DNAJC6: variants seen among roughly 807,000 people sequenced by gnomAD.
The protein encoded by DNAJC6 is DnaJ heat shock protein family (Hsp40) member C6.
A neutral mutation model predicts 110.0 loss-of-function variants in DNAJC6; 34 were observed. The ratio of observed to expected loss-of-function variants is 0.31; its 90% CI spans 0.24 to 0.41. The LOEUF (loss-of-function observed/expected upper bound fraction) is 0.41, where lower values mean the gene tolerates loss of function less well. Ranked by LOEUF, DNAJC6 falls within the 10% of genes least tolerant of loss-of-function variation. DNAJC6 has a pLI of 1.00. For missense variants in DNAJC6, 1,031 were observed against 1,207.8 expected (o/e 0.85, Z 2.17); for synonymous variants, 406 against 437.2 (o/e 0.93, Z 0.89).
At chr1:65,302,125 A>T (rs201600627) in intron 1 of DNAJC6, among the ~76,000 whole-genome samples, 2,377 of 20,642 alleles carry the variant, frequency 0.12, 44 homozygotes, top group African/African-American at 0.35. Context: ...TATATATATA[A>T]AAAATATATA....
chr1:65,369,338 T>C (rs1259376523), intron 4 of DNAJC6, among the ~76,000 whole-genome samples: 1 of 152,204 alleles, frequency 6.6e-6, no homozygotes, highest in African/African-American at 2.4e-5. Context: ...CCTAGACCTT[T>C]CTTTCCCCAG....
intron 4 of DNAJC6, among the ~76,000 whole-genome samples, chr1:65,372,752 A>T (rs1645719378): frequency 6.6e-6 from 1 of 152,200 alleles, no homozygotes; most frequent in South Asian, 2.1e-4. Flanking sequence ...AAGCTGTAAT[A>T]GATGAAAATA....
intron 1 of DNAJC6, among the ~76,000 whole-genome samples, chr1:65,349,711 T>G (rs1390586498): frequency 6.8e-6 from 1 of 147,694 alleles, no homozygotes; most frequent in Non-Finnish European, 1.5e-5. Context: ...ATGTATCTTT[T>G]TCTCTATCAG....
At chr1:65,391,903 G>A (rs563680400) in intron 11 of DNAJC6, among the ~76,000 whole-genome samples, 2 of 151,946 alleles carry the variant, frequency 1.3e-5, no homozygotes, top group Non-Finnish European at 2.9e-5. Flanking sequence ...TCAGCCTCCC[G>A]AGTAGCTGGG....
Position 65,343,287 on chromosome 1 carries a change from G to A in DNAJC6, c.194-21348G>A, listed in dbSNP as rs536909187. ...ATTTATGCATATAATTTTTTTGTCC[G>A]AAGAGCAGATGGAACCACACAGACC... On this transcript the variant is annotated intron_variant, in intron 1 of 18. Transcript: ENST00000371069. Among the ~76,000 whole-genome samples, 13 of 152,180 alleles carry A rather than the reference G, an allele frequency of 8.5e-5. No homozygotes were observed. In the East Asian group the frequency reaches 1.2e-3, roughly 14 times the overall value.
chr1:65,406,200 G>A, intron 16 of DNAJC6, 67 bp downstream of exon 16: 3 of 1,545,142 alleles, frequency 1.9e-6, no homozygotes, highest in South Asian at 2.5e-5. Flanking sequence ...GCCTGAATGT[G>A]TCTCTCTGAA....
chr1:65,326,994 C>T (rs1645247429), intron 1 of DNAJC6, among the ~76,000 whole-genome samples: 1 of 152,100 alleles, frequency 6.6e-6, no homozygotes, highest in Admixed American at 6.5e-5. Context: ...GAAAACTGGC[C>T]CTCAAGTTGC....
intron 1 of DNAJC6, among the ~76,000 whole-genome samples, chr1:65,295,013 T>C (rs1644915763): frequency 6.6e-6 from 1 of 152,188 alleles, no homozygotes; most frequent in Non-Finnish European, 1.5e-5. Context: ...TTTTATGTGT[T>C]ATAGAGAAGT....
intron 1 of DNAJC6, among the ~76,000 whole-genome samples, chr1:65,349,735 C>A (rs1645473969): frequency 6.6e-6 from 1 of 151,716 alleles, no homozygotes; most frequent in Non-Finnish European, 1.5e-5. Flanking sequence ...CTAAGATTTT[C>A]TTTTTCTTTT....
At chr1:65,297,676 A>G (rs1191151949) in intron 1 of DNAJC6, among the ~76,000 whole-genome samples, 1 of 152,210 alleles carries the variant, frequency 6.6e-6, no homozygotes, top group African/African-American at 2.4e-5. Flanking sequence ...AAAGATGATA[A>G]CAGCCCTTCT....
intron 13 of DNAJC6, among the ~76,000 whole-genome samples, chr1:65,397,890 C>G (rs945999936): frequency 6.6e-6 from 1 of 152,028 alleles, no homozygotes; most frequent in Non-Finnish European, 1.5e-5. Context: ...GTTTGGAATG[C>G]TAATCTTGAT....
intron 1 of DNAJC6, chr1:65,278,968 C>T (rs1158493717): frequency 1.0e-6 from 1 of 985,252 alleles, no homozygotes. Flanking sequence ...TTTCTGCCCT[C>T]CTCCATCCCC....
intron 1 of DNAJC6, among the ~76,000 whole-genome samples, 164 bp downstream of exon 1, chr1:65,310,102 T>G (rs1003636582): frequency 6.6e-6 from 1 of 151,990 alleles, no homozygotes; most frequent in African/African-American, 2.4e-5. Flanking sequence ...GTCTCTAATT[T>G]CTCTCATCCA....
chr1:65,315,285 G>GTTTT (rs59005722), intron 1 of DNAJC6, among the ~76,000 whole-genome samples: 1 of 145,766 alleles, frequency 6.9e-6, no homozygotes, highest in Non-Finnish European at 1.5e-5. Flanking sequence ...TGAGAATAAT[G>GTTTT]TTTTTTTTTT....
chr1:65,386,842 C>T lies in DNAJC6; in HGVS notation c.1026C>T (p.Phe342=). The T allele has an allele frequency of 1.9e-6, 3 of 1,614,132 alleles. No homozygotes were observed. Among genetic ancestry groups the T allele is most frequent in the Non-Finnish European group, 1.7e-6 (2 of 1,179,994 alleles). The part of the protein sequence containing the change: ...KEYRVQDGKI[F]IPLNITVQGD... ...ATCGTGTCCAAGATGGAAAAATCTT[C>T]ATTCCCTTGAACATCACTGTGCAAG... The change falls in exon 8 of 19, where the codon TTC becomes TTT. Residue 342 remains phenylalanine, a synonymous_variant. Transcript: ENST00000371069.
At chr1:65,399,846 G>A (rs1646013494) in intron 14 of DNAJC6, among the ~76,000 whole-genome samples, 1 of 152,122 alleles carries the variant, frequency 6.6e-6, no homozygotes, top group African/African-American at 2.4e-5. Context: ...GTTCATCTGT[G>A]TTGTAACATG....
upstream of DNAJC6, among the ~76,000 whole-genome samples, chr1:65,307,014 CTCTCTATA>C (rs1342867704): frequency 0.028 from 2,145 of 75,400 alleles, 16 homozygotes; most frequent in Non-Finnish European, 0.04. Flanking sequence ...CTCTCTCTCT[CTCTCTATA>C]TATATATATA....
intron 1 of DNAJC6, among the ~76,000 whole-genome samples, chr1:65,298,074 G>C (rs928648868): frequency 3.3e-5 from 5 of 152,116 alleles, no homozygotes; most frequent in Non-Finnish European, 5.9e-5. Context: ...TTTCCAGGGA[G>C]ACTGAATCGA....
At chr1:65,274,931 T>C (rs1653619248) in intron 1 of DNAJC6, among the ~76,000 whole-genome samples, 2 of 152,182 alleles carry the variant, frequency 1.3e-5, no homozygotes. Flanking sequence ...CCTGCGTGCG[T>C]GTGCAAGTGA....
Sources: allele counts gnomAD v4.1 joint callset (sites outside exome capture counted in the v4.1 genomes callset), GRCh38; gene constraint gnomAD v4.1.1; transcripts MANE v1.5; gene names NCBI Gene and HGNC (gene_info 2026-07-23, HGNC 2026-07-21).